The following DCP1B variants were observed in gnomAD, a reference collection of about 807,000 sequenced individuals.
The protein encoded by DCP1B is mRNA-decapping enzyme 1B.
In DCP1B, 47 loss-of-function variants were observed where a neutral mutation model predicts 60.5. That is an observed-to-expected ratio of 0.78 (90% confidence interval 0.61 to 0.99). The LOEUF is 0.99. Among genes scored for constraint, DCP1B ranks in the 50% least tolerant of loss-of-function variants. The pLI is 0.00. For synonymous variants in DCP1B, 267 were observed against 280.3 expected (o/e 0.95, Z 0.47); for missense variants, 725 against 756.8 (o/e 0.96, Z 0.49).
In DCP1B at chr12:1,971,109, T is replaced by C; in HGVS notation, c.320-3199A>G. The C allele has an allele frequency of 1.6e-6, 2 of 1,289,532 alleles. No individual in the cohort carries two copies. Among genetic ancestry groups the C allele is most frequent in the Non-Finnish European group, 2.0e-6 (2 of 988,600 alleles). 79.9% of individuals were successfully genotyped at this position (1,289,532 alleles called of 1,614,324 possible). On this transcript the variant is annotated intron_variant, in intron 3 of 8. Transcript: ENST00000280665. This position sits in a 1 kb window ranked among gnomAD's most constrained non-coding sequence, Gnocchi z 4.2. ...CCTGGTACGCCTGCATACCAGCCGC[T>C]TCCCAGCCACCTGTCTGCCAACACG...
intron 3 of DCP1B, chr12:1,970,692 G>A (rs1262588053): frequency 5.7e-6 from 1 of 176,172 alleles, no homozygotes; most frequent in African/African-American, 2.4e-5. Context: ...CCATGCCTTA[G>A]GGAGGTGATG....
intron 3 of DCP1B, among the ~76,000 whole-genome samples, chr12:1,976,727 C>T (rs980212439): frequency 6.6e-6 from 1 of 151,722 alleles, no homozygotes; most frequent in Non-Finnish European, 1.5e-5. Flanking sequence ...ATCCCTAAAA[C>T]TATATGCAAA....
rs2042907159 is a variant in DCP1B, at chr12:2,004,292, G to A, written c.140C>T (p.Ala47Val). The change falls in exon 1 of 9, where the codon GCC becomes GTC. Residue 47 changes from alanine (A) to valine (V), a missense_variant. Coordinates refer to ENST00000280665, the MANE Select transcript of DCP1B (RefSeq NM_152640.5). Reference protein sequence around the residue: ...QVALYTFGHRANEWEKTDVEG... With the variant: ...QVALYTFGHRVNEWEKTDVEG... The stretch of plus-strand genomic sequence containing the variant: ...CGCGTCCGCACGCACCCACTCGTTG[G>A]CCCGATGGCCGAAGGTGTACAGAGC... 6.2e-7 allele frequency: 1 copy of A among 1,613,038 alleles called. No individual in the cohort carries two copies. The highest frequency in any genetic ancestry group is 1.3e-5 in the African/African-American group (1 of 74,938).
At chr12:1,978,485 A>C (rs1185688184) in intron 3 of DCP1B, among the ~76,000 whole-genome samples, 1 of 152,242 alleles carries the variant, frequency 6.6e-6, no homozygotes, top group Non-Finnish European at 1.5e-5. Flanking sequence ...ATTTTCATTT[A>C]TTTAAATACT....
At chr12:1,979,382 T>C (rs112916394) in intron 3 of DCP1B, among the ~76,000 whole-genome samples, 4,146 of 152,260 alleles carry the variant, frequency 0.027, 95 homozygotes, top group Middle Eastern at 0.054. Context: ...TGGTGCCATC[T>C]TGGCTCACTA....
chr12:1,989,339 A>G (rs868513879), intron 3 of DCP1B, among the ~76,000 whole-genome samples: 2 of 152,176 alleles, frequency 1.3e-5, no homozygotes, highest in African/African-American at 4.8e-5. Context: ...ACTTGTCTCT[A>G]AAGAGCAGAG....
At chr12:1,987,913 C>T (rs941984299) in intron 3 of DCP1B, among the ~76,000 whole-genome samples, 3 of 152,194 alleles carry the variant, frequency 2.0e-5, no homozygotes, top group Admixed American at 6.5e-5. Context: ...CTCCTCATAT[C>T]ATCACCAAAC....
intron 3 of DCP1B, among the ~76,000 whole-genome samples, chr12:1,986,890 T>C (rs1462992594): frequency 2.0e-5 from 3 of 152,232 alleles, no homozygotes; most frequent in Non-Finnish European, 4.4e-5. Flanking sequence ...AGAGATATAC[T>C]GTAGTGAACT....
At chr12:1,991,451 G>A (rs1221223231) in intron 3 of DCP1B, 1 of 212,460 alleles carries the variant, frequency 4.7e-6, no homozygotes, top group African/African-American at 2.3e-5. Context: ...ATACAAAGAA[G>A]CAAGTGAAAT....
rs959555244 is a variant in DCP1B, at chr12:1,993,374, T to A, written c.209A>T (p.His70Leu). ...FVYTRSASPKHGFTIMNRLSM... is the reference protein window; with the variant it reads ...FVYTRSASPKLGFTIMNRLSM... Reference sequence around the variant, plus strand: ...CAGCCTATTCATAATGGTGAATCCATGCTTTGGAGAAGCAGACCTAAAAAT... The same window carrying A: ...CAGCCTATTCATAATGGTGAATCCAAGCTTTGGAGAAGCAGACCTAAAAAT... The change falls in exon 3 of 9, where the codon CAT (histidine) becomes CTT (leucine). Residue 70 changes from histidine to leucine, a missense_variant. His to Leu is a moderately conservative substitution (Grantham distance 99). Coordinates refer to ENST00000280665, the MANE Select transcript of DCP1B (RefSeq NM_152640.5). 6.2e-7 allele frequency: 1 copy of A among 1,611,936 alleles called. No homozygotes were observed. Among genetic ancestry groups the A allele is most frequent in the Non-Finnish European group, 8.5e-7 (1 of 1,178,418 alleles).
intron 1 of DCP1B, among the ~76,000 whole-genome samples, chr12:2,002,918 C>T (rs1029588018): frequency 2.0e-5 from 3 of 151,606 alleles, no homozygotes; most frequent in African/African-American, 7.3e-5. Flanking sequence ...CAAACAAAAA[C>T]AAACAAAAAA....
At chr12:1,984,677 G>A (rs1311694645) in intron 3 of DCP1B, among the ~76,000 whole-genome samples, 2 of 140,376 alleles carry the variant, frequency 1.4e-5, no homozygotes, top group African/African-American at 5.3e-5. Context: ...TACTATTTCT[G>A]TTGTTCCTAC....
chr12:1,987,726 C>T (rs1031968182), intron 3 of DCP1B, among the ~76,000 whole-genome samples: 1 of 152,210 alleles, frequency 6.6e-6, no homozygotes, highest in Admixed American at 6.5e-5. Flanking sequence ...CAGATACACA[C>T]ACATACAACC....
At chr12:1,982,845 T>C (rs942297991) in intron 3 of DCP1B, among the ~76,000 whole-genome samples, 5 of 152,166 alleles carry the variant, frequency 3.3e-5, no homozygotes, top group Non-Finnish European at 5.9e-5. Context: ...CTGAAAGAGA[T>C]TGTATAGAAT....
intron 3 of DCP1B, chr12:1,970,907 A>G (rs900271936): frequency 2.8e-5 from 9 of 324,058 alleles, no homozygotes; most frequent in African/African-American, 1.7e-4. Flanking sequence ...TGTAACTTAA[A>G]CTTGCAGCGA....
chr12:1,993,538 C>T (rs888666472), intron 2 of DCP1B, 147 bp from the exon 3 acceptor site: 2 of 918,208 alleles, frequency 2.2e-6, no homozygotes, highest in Non-Finnish European at 3.2e-6. Flanking sequence ...ACTTCTTCAC[C>T]ACTGGCATCA....
chr12:1,972,601 G>C (rs187683870), intron 3 of DCP1B, among the ~76,000 whole-genome samples: 2 of 152,306 alleles, frequency 1.3e-5, no homozygotes, highest in East Asian at 3.9e-4. Flanking sequence ...GGTTAAATAA[G>C]CTAGCCAAAG....
chr12:1,989,371 G>C (rs984097489), intron 3 of DCP1B, among the ~76,000 whole-genome samples: 1 of 151,554 alleles, frequency 6.6e-6, no homozygotes, highest in Non-Finnish European at 1.5e-5. Flanking sequence ...GCAGGAGCAG[G>C]AGCAGAGCAA....
chr12:1,966,055 G>A, intron 4 of DCP1B: 1 of 178,048 alleles, frequency 5.6e-6, no homozygotes, highest in Non-Finnish European at 1.2e-5. Flanking sequence ...CAAATCCTAT[G>A]GACTGCAAAG....
Sources: gnomAD v4.1 joint callset for allele counts (sites outside exome capture counted in the v4.1 genomes callset) on GRCh38, gnomAD v4.1.1 for gene constraint, Gnocchi (gnomAD v3.1) non-coding constraint, MANE v1.5 for transcripts, NCBI Gene and HGNC (gene_info 2026-07-23, HGNC 2026-07-21) for gene names.